ZMYND11: variants seen among roughly 807,000 people sequenced by gnomAD.
ZMYND11 encodes zinc finger MYND-type containing 11.
A neutral mutation model predicts 84.9 loss-of-function variants in ZMYND11; 9 were observed. The ratio of observed to expected loss-of-function variants is 0.11; its 90% confidence interval spans 0.06 to 0.18. ZMYND11 has a LOEUF of 0.18. Among genes scored for constraint, ZMYND11 ranks in the 10% least tolerant of loss-of-function variants. ZMYND11 has a pLI of 1.00. For missense variants in ZMYND11, 409 were observed against 761.0 expected (o/e 0.54, Z 5.44); for synonymous variants, 250 against 244.1 (o/e 1.02, Z -0.23).
At chr10:246,524 A>G (rs1952195406) in intron 10 of ZMYND11, among the ~76,000 whole-genome samples, 2 of 152,218 alleles carry the variant, frequency 1.3e-5, no homozygotes, top group South Asian at 4.1e-4. Context: ...AAGACAAAAC[A>G]AATCTCATTT....
At chr10:243,905 C>T (rs1182671346) in intron 10 of ZMYND11, among the ~76,000 whole-genome samples, 1 of 152,110 alleles carries the variant, frequency 6.6e-6, no homozygotes, top group South Asian at 2.1e-4. Flanking sequence ...TGCAGCAGTC[C>T]TAGAGTAGTC....
upstream of ZMYND11, among the ~76,000 whole-genome samples, chr10:132,771 A>G (rs1835342233): frequency 6.6e-6 from 1 of 152,190 alleles, no homozygotes; most frequent in African/African-American, 2.4e-5. Flanking sequence ...CTCATTCTAG[A>G]AAATAGAGCA....
intron 1 of ZMYND11, among the ~76,000 whole-genome samples, chr10:143,701 T>C (rs1383743901): frequency 6.6e-6 from 1 of 152,210 alleles, no homozygotes; most frequent in Admixed American, 6.5e-5. Context: ...TGTTTAGAAA[T>C]ATCAAATTTA....
chr10:190,170 C>T (rs757020442), intron 2 of ZMYND11, among the ~76,000 whole-genome samples: 18 of 152,134 alleles, frequency 1.2e-4, no homozygotes, highest in Non-Finnish European at 2.4e-4. Context: ...TCTGTCTGCT[C>T]TTCTCTGTTC....
intron 2 of ZMYND11, among the ~76,000 whole-genome samples, chr10:197,010 G>T (rs183558725): frequency 6.8e-6 from 1 of 147,426 alleles, no homozygotes; most frequent in Non-Finnish European, 1.5e-5. Context: ...CAATACATAC[G>T]CATGGAAGGT....
intron 2 of ZMYND11, among the ~76,000 whole-genome samples, chr10:182,938 T>C (rs186888741): frequency 6.6e-6 from 1 of 152,346 alleles, no homozygotes; most frequent in Admixed American, 6.5e-5. Flanking sequence ...AACATAAAGA[T>C]AATCTTTTAA....
At chr10:246,528 C>G (rs956147865) in intron 10 of ZMYND11, among the ~76,000 whole-genome samples, 1 of 152,166 alleles carries the variant, frequency 6.6e-6, no homozygotes, top group Admixed American at 6.6e-5. Context: ...CAAAACAAAT[C>G]TCATTTATTT....
At chr10:154,447 A>T (rs1352628682) in intron 1 of ZMYND11, among the ~76,000 whole-genome samples, 1 of 152,168 alleles carries the variant, frequency 6.6e-6, no homozygotes, top group Non-Finnish European at 1.5e-5. Context: ...AGATGTCGAG[A>T]CGGATGCCTG....
chr10:209,316 A>C (rs1944759530), intron 2 of ZMYND11, among the ~76,000 whole-genome samples: 1 of 152,162 alleles, frequency 6.6e-6, no homozygotes, highest in African/African-American at 2.4e-5. Context: ...TGCGTGCTTC[A>C]GTGACTCAAA....
chr10:140,389 T>C (rs887694226), intron 1 of ZMYND11, among the ~76,000 whole-genome samples: 1 of 152,234 alleles, frequency 6.6e-6, no homozygotes, highest in Non-Finnish European at 1.5e-5. Context: ...TGTTTTTCCA[T>C]TAGAAAATCC....
intron 14 of ZMYND11, among the ~76,000 whole-genome samples, chr10:250,772 C>A (rs748635936): frequency 1.3e-5 from 2 of 152,148 alleles, no homozygotes; most frequent in Non-Finnish European, 2.9e-5. Context: ...GCTCGGTGCT[C>A]ACACCTGTAA....
At chr10:221,491 A>G in intron 4 of ZMYND11, 135 bp downstream of exon 4, 1 of 822,016 alleles carries the variant, frequency 1.2e-6, no homozygotes, top group Non-Finnish European at 1.9e-6. Context: ...TAATGAAATG[A>G]TGATACTCAT....
intron 2 of ZMYND11, among the ~76,000 whole-genome samples, chr10:199,347 CTCTT>C (rs1338415023): frequency 1.5e-5 from 2 of 131,192 alleles, no homozygotes; most frequent in African/African-American, 5.5e-5. Context: ...CCGTCTCTGT[CTCTT>C]TCTTTCTGTG....
intron 12 of ZMYND11, among the ~76,000 whole-genome samples, chr10:247,702 C>T (rs1051560397): frequency 2.6e-5 from 4 of 152,102 alleles, no homozygotes; most frequent in South Asian, 2.1e-4. Context: ...ATTAAGCAGC[C>T]GCTGACCAAA....
At chr10:157,760 C>G (rs1842039815) in intron 1 of ZMYND11, among the ~76,000 whole-genome samples, 1 of 152,144 alleles carries the variant, frequency 6.6e-6, no homozygotes, top group Non-Finnish European at 1.5e-5. Flanking sequence ...AAAAAGTATA[C>G]AAATCAGTGG....
intron 6 of ZMYND11, 133 bp downstream of exon 6, chr10:237,810 C>T (rs1950229746): frequency 1.4e-5 from 8 of 588,568 alleles, no homozygotes; most frequent in Non-Finnish European, 2.3e-5. Context: ...CTTCCTAAAA[C>T]AAAAGACAGG....
At chr10:174,221 A>C (rs2131686014) in intron 1 of ZMYND11, among the ~76,000 whole-genome samples, 1 of 152,358 alleles carries the variant, frequency 6.6e-6, no homozygotes, top group Non-Finnish European at 1.5e-5. Context: ...AGTACTAAAA[A>C]GTAACAGTCT....
intron 4 of ZMYND11, among the ~76,000 whole-genome samples, chr10:236,539 T>G (rs904082448): frequency 1.3e-5 from 2 of 152,232 alleles, no homozygotes; most frequent in Admixed American, 6.5e-5. Flanking sequence ...TTATCCCTTA[T>G]GTCTATTATT....
At chr10:200,205 G>GGTGTGTGTGTGTGTGTGTGTGTGTGT (rs71374347) in intron 2 of ZMYND11, among the ~76,000 whole-genome samples, 22,698 of 132,118 alleles carry the variant, frequency 0.17, 2,836 homozygotes, top group Non-Finnish European at 0.25. Context: ...GCCTGGCTAG[G>GGTGTGTGTGTGTGTGTGTGTGTGTGT]GTGTGTGTGT....
Sources: gnomAD v4.1 joint callset for allele counts (sites outside exome capture counted in the v4.1 genomes callset) on GRCh38, gnomAD v4.1.1 for gene constraint, MANE v1.5 for transcripts, NCBI Gene and HGNC (gene_info 2026-07-23, HGNC 2026-07-21) for gene names.